UTP18: variants seen among roughly 807,000 people sequenced by gnomAD.
UTP18 encodes the protein UTP18 small subunit processome component.
UTP18 carries 36 observed loss-of-function variants against 61.1 expected under a neutral mutation model. The ratio of observed to expected loss-of-function variants is 0.59; its 90% CI spans 0.45 to 0.78. The LOEUF (loss-of-function observed/expected upper bound fraction) is 0.78. Among genes scored for constraint, UTP18 ranks in the 30% least tolerant of loss-of-function variants. UTP18 has a pLI of 0.00. For synonymous variants in UTP18, 282 were observed against 251.1 expected, an observed-to-expected ratio of 1.12 and a Z score of -1.16; for missense variants, 753 against 693.9, an observed-to-expected ratio of 1.09 and a Z score of -0.96.
At chr17:51,278,356 C>T (rs1286137882) in intron 7 of UTP18, among the ~76,000 whole-genome samples, 3 of 152,190 alleles carry the variant, frequency 2.0e-5, no homozygotes, top group Non-Finnish European at 4.4e-5. Flanking sequence ...CTTAAACCAT[C>T]TTCTCATATT....
chr17:51,281,437 C>G (rs986753598), intron 9 of UTP18, among the ~76,000 whole-genome samples: 1 of 151,984 alleles, frequency 6.6e-6, no homozygotes, highest in Admixed American at 6.6e-5. Flanking sequence ...TCTATTCTCT[C>G]TTTTGTCACT....
chr17:51,277,557 A>T (rs922599410), intron 7 of UTP18, among the ~76,000 whole-genome samples: 2 of 152,232 alleles, frequency 1.3e-5, no homozygotes, highest in African/African-American at 4.8e-5. Flanking sequence ...AAGCAATTGC[A>T]AATACTTGGC....
chr17:51,271,102 T>C (rs989818771), intron 4 of UTP18, among the ~76,000 whole-genome samples: 2 of 152,184 alleles, frequency 1.3e-5, no homozygotes, highest in Non-Finnish European at 2.9e-5. Context: ...TATGAATTGT[T>C]GTATTGTGTT....
intron 2 of UTP18, among the ~76,000 whole-genome samples, chr17:51,264,369 T>C (rs1481326765): frequency 6.6e-6 from 1 of 152,226 alleles, no homozygotes; most frequent in Non-Finnish European, 1.5e-5. Flanking sequence ...TAATGCAGAT[T>C]ATTTCAGCAT....
At chr17:51,285,482 A>G in intron 10 of UTP18, 114 bp downstream of exon 10, 3 of 1,310,678 alleles carry the variant, frequency 2.3e-6, no homozygotes, top group Non-Finnish European at 3.1e-6. Flanking sequence ...CTATTCAGTA[A>G]TATGAAATTG....
rs185199802 is a variant in UTP18, at chr17:51,285,270, T to A, written c.1230T>A (p.Asp410Glu). The A allele has an allele frequency of 1.2e-5, 20 of 1,613,826 alleles. No homozygotes were observed. In the African/African-American group the frequency reaches 2.7e-4, roughly 22 times the overall value. The change falls in exon 10 of 14, where the codon GAT (aspartate) becomes GAA (glutamate). Residue 410 changes from aspartate to glutamate, a missense_variant. By Grantham distance (45) the Asp-to-Glu change is conservative. Transcript: ENST00000225298. ...SSGDGEVYVW[D>E]VNSRKCLNRF... Reference sequence around the variant, plus strand: ...GGGATGGAGAAGTTTATGTTTGGGATGTGAACTCAAGGAAGTGCCTTAACA... The same window carrying A: ...GGGATGGAGAAGTTTATGTTTGGGAAGTGAACTCAAGGAAGTGCCTTAACA...
chr17:51,261,352 C>T (rs1212540701), intron 1 of UTP18, among the ~76,000 whole-genome samples: 5 of 152,194 alleles, frequency 3.3e-5, no homozygotes, highest in African/African-American at 9.7e-5. Context: ...TAACTATGTC[C>T]CCATGTGACT....
chr17:51,294,059 A>G lies in UTP18; in HGVS notation c.1646+14A>G. ...CCTGATGTATAGGTAGGTATTATTT[A>G]TGTTTAAAAGTCAGAGATACCTATA... On this transcript the variant is annotated intron_variant, in intron 12 of 13. Transcript: ENST00000225298. 6.4e-7 allele frequency: 1 copy of G among 1,557,618 alleles called. No homozygotes were observed. Among genetic ancestry groups the G allele is most frequent in the South Asian group, 1.3e-5 (1 of 78,710 alleles).
chr17:51,269,294 C>CAAAAAAAAAAAAAA (rs58681434), intron 4 of UTP18, among the ~76,000 whole-genome samples: 1 of 66,652 alleles, frequency 1.5e-5, no homozygotes, highest in Non-Finnish European at 2.5e-5. Flanking sequence ...GACTCTGTCT[C>CAAAAAAAAAAAAAA]AAAAAAAAAA....
At chr17:51,261,163 G>T (rs767425346) in intron 1 of UTP18, among the ~76,000 whole-genome samples, 2 of 152,252 alleles carry the variant, frequency 1.3e-5, no homozygotes, top group Non-Finnish European at 2.9e-5. Context: ...AGGCGCCGCT[G>T]CTCGGGTATC....
intron 9 of UTP18, among the ~76,000 whole-genome samples, chr17:51,281,164 A>ATATATAT (rs59857038): frequency 0.034 from 4,836 of 140,300 alleles, 126 homozygotes; most frequent in African/African-American, 0.07. Context: ...ATATATATAT[A>ATATATAT]TTTTTTTTAA....
chr17:51,273,040 A>G (rs1308368733), intron 4 of UTP18, among the ~76,000 whole-genome samples: 1 of 152,196 alleles, frequency 6.6e-6, no homozygotes, highest in African/African-American at 2.4e-5. Context: ...GCTCTTTTTA[A>G]ATGAAATGCT....
At chr17:51,282,433 T>C (rs944249773) in intron 9 of UTP18, among the ~76,000 whole-genome samples, 1 of 151,536 alleles carries the variant, frequency 6.6e-6, no homozygotes, top group African/African-American at 2.4e-5. Flanking sequence ...TTCTATATTA[T>C]ACTAGTTTTT....
chr17:51,291,825 C>G (rs1243937605), intron 11 of UTP18, among the ~76,000 whole-genome samples: 2 of 151,754 alleles, frequency 1.3e-5, no homozygotes, highest in Non-Finnish European at 2.9e-5. Context: ...AGTCAGAAAA[C>G]CAGCTCCCCA....
intron 5 of UTP18, among the ~76,000 whole-genome samples, chr17:51,274,742 C>T (rs1335894581): frequency 2.6e-5 from 4 of 151,730 alleles, no homozygotes; most frequent in Admixed American, 6.6e-5. Context: ...TGAGCCACCG[C>T]GCCCAGCGAC....
At chr17:51,270,328 C>T (rs1201901158) in intron 4 of UTP18, among the ~76,000 whole-genome samples, 8 of 152,008 alleles carry the variant, frequency 5.3e-5, no homozygotes, top group Admixed American at 5.2e-4. Context: ...GTTAAACATC[C>T]CTCGTTATTT....
In UTP18 at chr17:51,273,582, A is replaced by G. The variant is rs7502980; in HGVS notation, c.711+132A>G. The G allele has an allele frequency of 1.2e-5, 7 of 601,842 alleles. No homozygotes were observed. The African/African-American group carries it at 1.3e-4, about 11-fold the overall frequency. The allele number at this position is 601,842 out of a possible 1,614,324, so 37.3% of individuals were successfully genotyped here. A position where few individuals can be genotyped will look rare whatever the true frequency, so the allele number is the denominator to read the frequency against. ...ATGTTTGCTGTCATTTTGCCCTGGT[A>G]AATACTTATGTTATTGTTTTTTTTT... is the stretch of plus-strand genomic sequence containing the variant. On this transcript the variant is annotated intron_variant, in intron 5 of 13. Transcript: ENST00000225298.
chr17:51,260,816 C>T lies in UTP18; in HGVS notation c.232C>T (p.Leu78=). ...EERRLRQRNR[L]RLEEDKPAVE... ...GAGACGGCTCCGGCAGCGGAACCGCCTGAGGCTGGAGGAGGACAAACCGGC... is the reference window on the plus strand; with the variant it reads ...GAGACGGCTCCGGCAGCGGAACCGCTTGAGGCTGGAGGAGGACAAACCGGC... Residue 78 remains leucine, a synonymous_variant, in exon 1 of 14, where the codon CTG becomes TTG. Transcript: ENST00000225298. 2.5e-6 allele frequency: 4 copies of T among 1,592,198 alleles called. No homozygotes were observed. The South Asian group carries it at 3.4e-5, about 14-fold the overall frequency.
At chr17:51,266,491 A>C (rs2055562767) in intron 3 of UTP18, among the ~76,000 whole-genome samples, 1 of 152,226 alleles carries the variant, frequency 6.6e-6, no homozygotes, top group South Asian at 2.1e-4. Context: ...TACCACTCAA[A>C]TATAATCAGT....
Sources: allele counts gnomAD v4.1 joint callset (sites outside exome capture counted in the v4.1 genomes callset), GRCh38; gene constraint gnomAD v4.1.1; transcripts MANE v1.5; gene names NCBI Gene and HGNC (gene_info 2026-07-23, HGNC 2026-07-21).